The following ZNF557 variants were observed in gnomAD, a reference collection of about 807,000 sequenced individuals.
The protein encoded by ZNF557 is CTB-25J19.9.
ZNF557 carries 19 observed loss-of-function variants against 21.2 expected under a neutral mutation model. The ratio of observed to expected loss-of-function variants is 0.90; its 90% confidence interval spans 0.63 to 1.32. The LOEUF (loss-of-function observed/expected upper bound fraction) is 1.32. ZNF557 is among the 40% of genes most tolerant of loss of function. The pLI is 0.00. For missense variants in ZNF557, 487 were observed against 519.8 expected (o/e 0.94, Z 0.61); for synonymous variants, 207 against 194.8 (o/e 1.06, Z -0.52).
intron 2 of ZNF557, among the ~76,000 whole-genome samples, chr19:7,074,329 T>TACACACACACACACACACAC (rs143012504): frequency 4.1e-4 from 61 of 147,180 alleles, no homozygotes; most frequent in African/African-American, 9.1e-4. Context: ...TTTGTGTGTA[T>TACACACACACACACACACAC]ATACACACAC....
In ZNF557 at chr19:7,083,519, C is replaced by T. The variant is rs1977766218; in HGVS notation, c.1068C>T (p.Ser356=). 2 of 1,614,014 alleles carry T rather than the reference C, an allele frequency of 1.2e-6. No homozygotes were observed. The highest frequency in any genetic ancestry group is 2.2e-5 in the East Asian group (1 of 44,892). The stretch of plus-strand genomic sequence containing the variant: ...ACACATGTAATGAGTGTGGGAAATC[C>T]TTTACCAATAGCTTTTCTCTTACAA... ...KPYTCNECGK[S]FTNSFSLTIH... is the part of the protein sequence containing the mutation. Residue 356 remains serine, a synonymous_variant, in exon 8 of 8, where the codon TCC becomes TCT. Coordinates refer to ENST00000252840, the MANE Select transcript of ZNF557 (RefSeq NM_024341.3).
intron 3 of ZNF557, 60 bp from the exon 4 acceptor site, chr19:7,075,595 A>G: frequency 1.3e-6 from 2 of 1,562,974 alleles, no homozygotes; most frequent in Admixed American, 3.4e-5. Context: ...GGAAGCCTCC[A>G]GATGTGTGAG....
Position 7,083,739 on chromosome 19 carries a change from A to C in ZNF557, c.1288A>C (p.Met430Leu). 1 of 1,596,720 alleles carries C rather than the reference A, an allele frequency of 6.3e-7. No homozygotes were observed. Among genetic ancestry groups the C allele is most frequent in the Non-Finnish European group, 8.5e-7 (1 of 1,170,656 alleles). Residue 430 changes from methionine (M) to leucine (L), a missense_variant, in exon 8 of 8, where the codon ATG becomes CTG. Met to Leu is a conservative substitution (Grantham distance 15). Transcript: ENST00000252840. ...SVHTRMHNRQ[M>L] ...GCATACGAGAATGCATAATAGGCAA[A>C]TGTGAATTCAATAACTGTGGGAAAA...
chr19:7,084,173 CATA>C lies in ZNF557; in HGVS notation c.*432_*434del, dbSNP rs1977783671. Reference sequence around the variant, plus strand: ...GATCTAAAGGAGCCAACACAGAAAGCATAATGTCTTTTATGACCTAGCTTCAGT... The same window carrying C: ...GATCTAAAGGAGCCAACACAGAAAGCATGTCTTTTATGACCTAGCTTCAGT... On this transcript the variant is annotated 3_prime_UTR_variant, in exon 8 of 8. Transcript: ENST00000252840. 1 of 176,128 alleles carries C rather than the reference CATA, an allele frequency of 5.7e-6. No individual in the cohort carries two copies. The highest frequency in any genetic ancestry group is 5.5e-5 in the Admixed American group (1 of 18,292). 10.9% of individuals were successfully genotyped at this position (176,128 alleles called of 1,614,324 possible).
At chr19:7,081,271 T>C in intron 5 of ZNF557, 89 bp from the exon 6 acceptor site, 1 of 828,584 alleles carries the variant, frequency 1.2e-6, no homozygotes, top group Non-Finnish European at 2.0e-6. Flanking sequence ...AAGTCACACC[T>C]CTTCACCTTC....
intron 2 of ZNF557, among the ~76,000 whole-genome samples, chr19:7,073,779 A>G (rs1023120432): frequency 6.6e-6 from 1 of 152,086 alleles, no homozygotes; most frequent in African/African-American, 2.4e-5. Context: ...CACCCAGGAT[A>G]AATTCCCTGG....
chr19:7,075,105 G>C lies in ZNF557; in HGVS notation c.31G>C (p.Ala11Pro). The C allele has an allele frequency of 6.2e-7, 1 of 1,614,056 alleles. No homozygotes were observed. The change falls in exon 3 of 8, where the codon GCT becomes CCT. Residue 11 changes from alanine to proline, a missense_variant and splice_region_variant. Coordinates refer to ENST00000252840, the MANE Select transcript of ZNF557 (RefSeq NM_024341.3). Reference sequence around the variant, plus strand: ...GGCTGTCGTCCTGCCCCCAACTGCCGGTGAGTCATGGGGTCCTGGCAGTTC... The same window carrying C: ...GGCTGTCGTCCTGCCCCCAACTGCCCGTGAGTCATGGGGTCCTGGCAGTTC... MAAVVLPPTA[A>P]LSSLFPASQR... is the part of the protein sequence containing the mutation.
intron 6 of ZNF557, 135 bp from the exon 7 acceptor site, chr19:7,081,835 T>C (rs1227128131): frequency 1.5e-6 from 1 of 655,880 alleles, no homozygotes; most frequent in Admixed American, 2.7e-5. Flanking sequence ...CCCATATCTC[T>C]TTCACCGAAT....
intron 5 of ZNF557, among the ~76,000 whole-genome samples, chr19:7,079,260 G>A (rs1369512906): frequency 1.4e-5 from 1 of 73,286 alleles, no homozygotes. Context: ...TTTTTTTTTT[G>A]AGATGGAGTC....
rs559037726 is a variant in ZNF557, at chr19:7,078,672, TCCTC to T, written c.247+2168_247+2171del. Among the ~76,000 whole-genome samples, 27 of 152,182 alleles carry T rather than the reference TCCTC, an allele frequency of 1.8e-4. No homozygotes were observed. The South Asian group carries it at 5.4e-3, about 30-fold the overall frequency. On this transcript the variant is annotated intron_variant, in intron 5 of 7. Coordinates refer to ENST00000252840, the MANE Select transcript of ZNF557 (RefSeq NM_024341.3). ...GTCTCGAACTCCTGACCTCAGGTGA[TCCTC>T]CCACCTCGGCTTCCCAAAGTGCTGT...
rs4031071 is a variant in ZNF557 at position 7,077,132 on chromosome 19, C to CTTTTTTTTTTT, written c.247+636_247+646dup. On this transcript the variant is annotated intron_variant, in intron 5 of 7. Coordinates refer to ENST00000252840, the MANE Select transcript of ZNF557 (RefSeq NM_024341.3). ...TTTTGCTTAGCATAATGTTTTCTTT[C>CTTTTTTTTTTT]TTTTTTTTTTTTTTTTTTTTTGAGA... 1.0e-3 allele frequency among the ~76,000 whole-genome samples: 82 copies of CTTTTTTTTTTT among 78,364 alleles called. 2 individuals carry two copies. Among genetic ancestry groups the CTTTTTTTTTTT allele is most frequent in the Middle Eastern group, 0.019 (1 of 52 alleles). The allele number at this position is 78,364 out of a possible 152,430, so 51.4% of individuals were successfully genotyped here.
At chr19:7,080,732 A>G (rs1299902547) in intron 5 of ZNF557, among the ~76,000 whole-genome samples, 1 of 152,198 alleles carries the variant, frequency 6.6e-6, no homozygotes, top group Non-Finnish European at 1.5e-5. Context: ...ACCCAGATTC[A>G]GCTGTTTGTC....
At chr19:7,073,150 T>TTTG (rs1977498911) in intron 2 of ZNF557, among the ~76,000 whole-genome samples, 1 of 43,122 alleles carries the variant, frequency 2.3e-5, no homozygotes, top group Non-Finnish European at 5.2e-5. Context: ...TTTTTTTGGT[T>TTTG]TTTTTTGTTT....
intron 2 of ZNF557, among the ~76,000 whole-genome samples, chr19:7,071,701 G>C (rs1241198751): frequency 6.7e-6 from 1 of 149,360 alleles, no homozygotes; most frequent in Non-Finnish European, 1.5e-5. Context: ...TAAATTAGCT[G>C]GGTGTGGTGA....
At position 7,084,722 on chromosome 19, in the gene ZNF557, C is replaced by T. The variant is rs1346686294; in HGVS notation, c.*978C>T. ...AGGTTAACTCACTCTAGAGAGAAAT[C>T]TTGTGAGTGTAATCTGTATGGTAAA... On this transcript the variant is annotated 3_prime_UTR_variant, in exon 8 of 8. Transcript: ENST00000252840. 1 of 152,058 alleles carries T rather than the reference C, an allele frequency of 6.6e-6. No individual in the cohort carries two copies. Among genetic ancestry groups the T allele is most frequent in the East Asian group, 1.9e-4 (1 of 5,184 alleles). 9.4% of individuals were successfully genotyped at this position (152,058 alleles called of 1,614,324 possible).
Position 7,084,051 on chromosome 19 carries a change from A to G in ZNF557, c.*307A>G. 3.4e-6 allele frequency: 1 copy of G among 289,962 alleles called. No individual in the cohort carries two copies. Among genetic ancestry groups the G allele is most frequent in the Non-Finnish European group, 6.5e-6 (1 of 153,280 alleles). The allele number at this position is 289,962 out of a possible 1,614,324, so 18.0% of individuals were successfully genotyped here. Reference sequence around the variant, plus strand: ...AATGGCTTACAAGCCCGACAAGTGCATGCTAGCTGTTTCCAAGGGAGCTGC... The same window carrying G: ...AATGGCTTACAAGCCCGACAAGTGCGTGCTAGCTGTTTCCAAGGGAGCTGC... On this transcript the variant is annotated 3_prime_UTR_variant, in exon 8 of 8. Transcript: ENST00000252840.
In ZNF557 at chr19:7,083,153, A is replaced by G. The variant is rs375021142; in HGVS notation, c.702A>G (p.Lys234=). 2 of 1,614,072 alleles carry G rather than the reference A, an allele frequency of 1.2e-6. No individual in the cohort carries two copies. The highest frequency in any genetic ancestry group is 1.7e-6 in the Non-Finnish European group (2 of 1,180,032). ...ATAAGAGAATCCACAATGGGGAGAA[A>G]CCCTACGAATGCAGTGACTGTGGGA... ...TVHKRIHNGE[K]PYECSDCGKT... The change falls in exon 8 of 8, where the codon AAA becomes AAG. Residue 234 remains lysine (K), a synonymous_variant. Transcript: ENST00000252840.
At position 7,083,362 on chromosome 19, in the gene ZNF557, G is replaced by A; in HGVS notation, c.911G>A (p.Arg304Lys). Residue 304 changes from arginine (R) to lysine (K), a missense_variant, in exon 8 of 8, where the codon AGG (arginine) becomes AAG (lysine). Physicochemically the swap from Arg to Lys is conservative, Grantham distance 26 (BLOSUM62 2). Coordinates refer to ENST00000252840, the MANE Select transcript of ZNF557 (RefSeq NM_024341.3). ...CNQCGKAFGTRSSLSSHYSIH... is the reference protein window; with the variant it reads ...CNQCGKAFGTKSSLSSHYSIH... The stretch of plus-strand genomic sequence containing the variant: ...CAGTGTGGAAAGGCTTTCGGCACGA[G>A]GTCATCTCTTTCTTCGCACTATAGC... The A allele has an allele frequency of 1.9e-6, 3 of 1,614,208 alleles. No individual in the cohort carries two copies. Among genetic ancestry groups the A allele is most frequent in the South Asian group, 1.1e-5 (1 of 91,090 alleles).
Position 7,087,645 on chromosome 19 carries a change from C to T in ZNF557, c.*3901C>T, listed in dbSNP as rs904563120. On this transcript the variant is annotated 3_prime_UTR_variant, in exon 8 of 8. Transcript: ENST00000252840. Reference sequence around the variant, plus strand: ...CTCTGTTCTGCATATTACTAGACTTCTTACATGATCACAAGTAACCACTAA... The same window carrying T: ...CTCTGTTCTGCATATTACTAGACTTTTTACATGATCACAAGTAACCACTAA... 3.3e-5 allele frequency: 5 copies of T among 151,870 alleles called. No homozygotes were observed. The highest frequency in any genetic ancestry group is 1.2e-4 in the African/African-American group (5 of 41,318). 9.4% of individuals were successfully genotyped at this position (151,870 alleles called of 1,614,324 possible).
Sources: allele counts gnomAD v4.1 joint callset (sites outside exome capture counted in the v4.1 genomes callset), GRCh38; gene constraint gnomAD v4.1.1; transcripts MANE v1.5; gene names NCBI Gene and HGNC (gene_info 2026-07-23, HGNC 2026-07-21).